The following PRDM5 variants were observed in gnomAD, a reference collection of about 807,000 sequenced individuals.
PRDM5 encodes PR domain zinc finger protein 5.
A neutral mutation model predicts 81.2 loss-of-function variants in PRDM5; 56 were observed. The observed-to-expected ratio is 0.69, with a 90% CI of 0.56 to 0.86. PRDM5 has a LOEUF of 0.86. Ranked by LOEUF, PRDM5 falls within the 40% of genes least tolerant of loss-of-function variation. The pLI, the probability that PRDM5 is intolerant of heterozygous loss-of-function variation, is 0.00. For synonymous variants in PRDM5, 267 were observed against 256.4 expected (o/e 1.04, Z -0.39); for missense variants, 697 against 770.1 (o/e 0.91, Z 1.12).
intron 13 of PRDM5, among the ~76,000 whole-genome samples, chr4:120,775,692 A>G (rs1233263768): frequency 6.6e-6 from 1 of 152,202 alleles, no homozygotes; most frequent in Non-Finnish European, 1.5e-5. Flanking sequence ...AATTATATGT[A>G]CATGCACACT....
chr4:120,773,543 C>T (rs930321655), intron 13 of PRDM5, among the ~76,000 whole-genome samples: 4 of 152,132 alleles, frequency 2.6e-5, no homozygotes, highest in African/African-American at 4.8e-5. Context: ...TACAGAATCA[C>T]GCATGGGTAA....
chr4:120,886,616 T>A (rs1561610272), intron 2 of PRDM5, among the ~76,000 whole-genome samples: 2 of 152,186 alleles, frequency 1.3e-5, no homozygotes, highest in Non-Finnish European at 2.9e-5. Context: ...AAGTAACTTA[T>A]TTTTTAAGAA....
At chr4:120,688,141 T>A (rs963275557), downstream of PRDM5, among the ~76,000 whole-genome samples, 2 of 152,094 alleles carry the variant, frequency 1.3e-5, no homozygotes, top group African/African-American at 4.8e-5. Flanking sequence ...CATCAATGGT[T>A]GTTATATTTT....
At chr4:120,883,159 A>AT (rs748052306) in intron 2 of PRDM5, among the ~76,000 whole-genome samples, 3 of 152,190 alleles carry the variant, frequency 2.0e-5, no homozygotes, top group Non-Finnish European at 4.4e-5. Context: ...CATTACTTAC[A>AT]TTTTCCCCTT....
chr4:120,802,177 A>AT (rs1752204271), intron 8 of PRDM5, among the ~76,000 whole-genome samples: 1 of 152,206 alleles, frequency 6.6e-6, no homozygotes, highest in African/African-American at 2.4e-5. Context: ...CATCGACTAT[A>AT]TATTTAAGCA....
intron 15 of PRDM5, among the ~76,000 whole-genome samples, chr4:120,702,989 C>T (rs1277473022): frequency 6.6e-6 from 1 of 152,116 alleles, no homozygotes; most frequent in Non-Finnish European, 1.5e-5. Flanking sequence ...TCCATCTCCA[C>T]CAGCCTTCTC....
At chr4:120,903,668 T>C (rs922875043) in intron 2 of PRDM5, among the ~76,000 whole-genome samples, 2 of 152,136 alleles carry the variant, frequency 1.3e-5, no homozygotes, top group South Asian at 2.1e-4. Context: ...ATAATCCCCA[T>C]GTGTAAATGG....
Position 120,879,320 on chromosome 4 carries a change from T to C in PRDM5, c.178-25780A>G, listed in dbSNP as rs76513570. ...GCTACATACTATATGACTGCAACTA[T>C]GATTGACCCTTGAATAACACAGATT... On this transcript the variant is annotated intron_variant, in intron 2 of 15. Coordinates refer to ENST00000264808, the MANE Select transcript of PRDM5 (RefSeq NM_018699.4). 6.9e-3 allele frequency among the ~76,000 whole-genome samples: 1,050 copies of C among 152,352 alleles called. 14 individuals are homozygous for C. The highest frequency in any genetic ancestry group is 0.024 in the African/African-American group (1,002 of 41,586).
At chr4:120,820,140 G>A (rs1382621736) in intron 4 of PRDM5, among the ~76,000 whole-genome samples, 1 of 152,200 alleles carries the variant, frequency 6.6e-6, no homozygotes, top group Non-Finnish European at 1.5e-5. Flanking sequence ...TGTATTAAGA[G>A]GTGGGCCCTT....
chr4:120,766,777 AG>A (rs930860426), intron 13 of PRDM5, among the ~76,000 whole-genome samples: 2 of 152,186 alleles, frequency 1.3e-5, no homozygotes, highest in African/African-American at 4.8e-5. Context: ...TTCAAATAAG[AG>A]GCTTGAACTA....
At chr4:120,892,836 TG>T (rs1448746463) in intron 2 of PRDM5, among the ~76,000 whole-genome samples, 2 of 152,192 alleles carry the variant, frequency 1.3e-5, no homozygotes, top group Non-Finnish European at 2.9e-5. Flanking sequence ...TGGCTACTAG[TG>T]GCAGTGGTGG....
chr4:120,685,563 G>A (rs1402043921), intron 1 of PRDM5, among the ~76,000 whole-genome samples: 2 of 152,052 alleles, frequency 1.3e-5, no homozygotes, highest in Admixed American at 6.6e-5. Context: ...GGAATGCTGC[G>A]GAGTGGTGGG....
intron 14 of PRDM5, among the ~76,000 whole-genome samples, chr4:120,734,325 A>G (rs1230691644): frequency 6.6e-6 from 1 of 151,610 alleles, no homozygotes; most frequent in Non-Finnish European, 1.5e-5. Context: ...CATACATGGG[A>G]TGCATTAGAC....
chr4:120,816,142 C>A, intron 7 of PRDM5: 2 of 334,260 alleles, frequency 6.0e-6, no homozygotes, highest in Non-Finnish European at 1.1e-5. Context: ...TGTCACATGC[C>A]AAAACATTTA....
rs1734107387 is a variant in PRDM5 at position 120,692,347 on chromosome 4, A to G, written c.*2764T>C. The G allele has an allele frequency of 6.6e-6, 1 of 151,996 alleles. No homozygotes were observed. The highest frequency in any genetic ancestry group is 2.4e-5 in the African/African-American group (1 of 41,406). The allele number at this position is 151,996 out of a possible 1,614,324, so 9.4% of individuals were successfully genotyped here. On this transcript the variant is annotated 3_prime_UTR_variant, in exon 16 of 16. Coordinates refer to ENST00000264808, the MANE Select transcript of PRDM5 (RefSeq NM_018699.4). ...TGTATATGCACTGCATATAAGTGAT[A>G]CTCTTCAGACACACACACACAGACA... is the stretch of plus-strand genomic sequence containing the variant.
rs566737666 is a variant in PRDM5, at chr4:120,869,215, T to C, written c.178-15675A>G. Among the ~76,000 whole-genome samples, 11 of 152,312 alleles carry C rather than the reference T, an allele frequency of 7.2e-5. No homozygotes were observed. In the East Asian group the frequency reaches 1.3e-3, roughly 19 times the overall value. ...AGTACTTCTGAGTAGTCATTTATCA[T>C]AGGGCAAGGAAATTATAGACCAAAT... is the stretch of plus-strand genomic sequence containing the variant. On this transcript the variant is annotated intron_variant, in intron 2 of 15. Transcript: ENST00000264808.
intron 15 of PRDM5, among the ~76,000 whole-genome samples, chr4:120,703,879 T>G (rs1015350519): frequency 6.6e-6 from 1 of 152,052 alleles, no homozygotes; most frequent in African/African-American, 2.4e-5. Context: ...CAGAGATATG[T>G]GAGCTCACCC....
At chr4:120,691,202 T>C (rs1261144342), downstream of PRDM5, among the ~76,000 whole-genome samples, 1 of 152,138 alleles carries the variant, frequency 6.6e-6, no homozygotes, top group Non-Finnish European at 1.5e-5. Context: ...CATTCCAGAC[T>C]ATTTCCTGGG....
chr4:120,867,755 A>C (rs912697788), intron 2 of PRDM5, among the ~76,000 whole-genome samples: 3 of 152,242 alleles, frequency 2.0e-5, no homozygotes, highest in Non-Finnish European at 4.4e-5. Flanking sequence ...TACCCTTTAA[A>C]ATAAGTCATC....
Sources: gnomAD v4.1 joint callset for allele counts (sites outside exome capture counted in the v4.1 genomes callset) on GRCh38, gnomAD v4.1.1 for gene constraint, MANE v1.5 for transcripts, NCBI Gene and HGNC (gene_info 2026-07-23, HGNC 2026-07-21) for gene names.